Variants in IMPACT observed in about 807,000 individuals in gnomAD.
The protein encoded by IMPACT is impact RWD domain protein, also known as protein IMPACT.
A neutral mutation model predicts 47.5 loss-of-function variants in IMPACT; 35 were observed. The observed-to-expected ratio is 0.74, with a 90% CI of 0.56 to 0.98. IMPACT has a LOEUF of 0.98. IMPACT is among the 50% of genes least tolerant of loss of function. The probability of loss-of-function intolerance (pLI) is 0.00; values close to 1 mark genes in which losing one functional copy is unlikely to be tolerated. For missense variants in IMPACT, 373 were observed against 394.8 expected, an observed-to-expected ratio of 0.94 and a Z score of 0.47; for synonymous variants, 118 against 125.6, an observed-to-expected ratio of 0.94 and a Z score of 0.40.
intron 6 of IMPACT, among the ~76,000 whole-genome samples, chr18:24,441,070 AGGTCTCG>A (rs1909098126): frequency 6.6e-6 from 1 of 152,208 alleles, no homozygotes; most frequent in Non-Finnish European, 1.5e-5. Flanking sequence ...TTGAGAGACA[AGGTCTCG>A]CTGTGTTGCC....
At chr18:24,437,830 T>C in intron 4 of IMPACT, 125 bp from the exon 5 acceptor site, 1 of 601,984 alleles carries the variant, frequency 1.7e-6, no homozygotes, top group South Asian at 2.1e-5. Flanking sequence ...TTTTTATAAA[T>C]TATTTTAAAA....
At chr18:24,444,274 A>G (rs538245782) in intron 7 of IMPACT, among the ~76,000 whole-genome samples, 1 of 152,288 alleles carries the variant, frequency 6.6e-6, no homozygotes, top group East Asian at 1.9e-4. Flanking sequence ...ATAGCATTAT[A>G]ATTTGTGAGA....
rs1456245829 is a variant in IMPACT at position 24,428,028 on chromosome 18, A to G, written c.146A>G (p.Lys49Arg). Residue 49 changes from lysine to arginine, a missense_variant, in exon 2 of 11, where the codon AAA becomes AGA. Coordinates refer to ENST00000284202, the MANE Select transcript of IMPACT (RefSeq NM_018439.4). Reference sequence around the variant, plus strand: ...ATTAGCGACGATATAGATGACCCCAAATGGACACTTTGCTTGCAGGTACTT... The same window carrying G: ...ATTAGCGACGATATAGATGACCCCAGATGGACACTTTGCTTGCAGGTACTT... ...IRISDDIDDP[K>R]WTLCLQVMLP... 4 of 1,580,380 alleles carry G rather than the reference A, an allele frequency of 2.5e-6. No individual in the cohort carries two copies. Among genetic ancestry groups the G allele is most frequent in the Non-Finnish European group, 2.6e-6 (3 of 1,169,240 alleles).
chr18:24,428,730 A>G (rs2144329496), intron 2 of IMPACT, 139 bp from the exon 3 acceptor site: 2 of 589,178 alleles, frequency 3.4e-6, no homozygotes, highest in South Asian at 2.3e-5. Context: ...GGGTCAGGGT[A>G]TAATGTCCAT....
Sources: allele counts gnomAD v4.1 joint callset (sites outside exome capture counted in the v4.1 genomes callset), GRCh38; gene constraint gnomAD v4.1.1; transcripts MANE v1.5; gene names NCBI Gene and HGNC (gene_info 2026-07-23, HGNC 2026-07-21).